Variants in UBE2QL1 observed in about 807,000 individuals in gnomAD.
UBE2QL1 encodes the protein ubiquitin-conjugating enzyme E2Q-like protein 1.
Under a neutral mutation model 12.6 loss-of-function variants are expected in UBE2QL1, and 5 were observed. That is an observed-to-expected ratio of 0.40 (90% CI 0.21 to 0.83). The LOEUF is 0.83. Among genes scored for constraint, UBE2QL1 ranks in the 40% least tolerant of loss-of-function variants. UBE2QL1 has a pLI of 0.37. For synonymous variants in UBE2QL1, 96 were observed against 94.5 expected, an observed-to-expected ratio of 1.02 and a Z score of -0.10; for missense variants, 99 against 222.6, an observed-to-expected ratio of 0.44 and a Z score of 3.53.
intron 1 of UBE2QL1, among the ~76,000 whole-genome samples, chr5:6,483,945 C>T (rs914011100): frequency 6.6e-6 from 1 of 152,168 alleles, no homozygotes; most frequent in East Asian, 1.9e-4. Context: ...TTGGCTTGGG[C>T]GTGAGTCAAC....
intron 1 of UBE2QL1, among the ~76,000 whole-genome samples, chr5:6,477,253 T>C (rs1734252012): frequency 6.6e-6 from 1 of 152,248 alleles, no homozygotes; most frequent in African/African-American, 2.4e-5. Flanking sequence ...CCAGTCACCC[T>C]GCCACCATTG....
intron 1 of UBE2QL1, among the ~76,000 whole-genome samples, chr5:6,489,639 T>C (rs72717952): frequency 0.054 from 8,252 of 152,200 alleles, 326 homozygotes; most frequent in Admixed American, 0.12. Context: ...AATACAAGCA[T>C]ATGAAATGGC....
intron 1 of UBE2QL1, among the ~76,000 whole-genome samples, chr5:6,475,884 G>C (rs1434418252): frequency 6.6e-6 from 1 of 152,202 alleles, no homozygotes; most frequent in Non-Finnish European, 1.5e-5. Context: ...ACCAGCTAGA[G>C]CAATGATGTG....
At chr5:6,461,033 T>A (rs1739647304) in intron 1 of UBE2QL1, among the ~76,000 whole-genome samples, 1 of 152,216 alleles carries the variant, frequency 6.6e-6, no homozygotes, top group Non-Finnish European at 1.5e-5. Context: ...AGAATTTCCC[T>A]GTAGTCAATT....
chr5:6,469,442 C>A (rs1362118245), intron 1 of UBE2QL1, among the ~76,000 whole-genome samples: 1 of 148,036 alleles, frequency 6.8e-6, no homozygotes, highest in Non-Finnish European at 1.5e-5. Flanking sequence ...TTTATATAAT[C>A]TAAGGCTTAT....
At chr5:6,477,847 A>G (rs1310765929) in intron 1 of UBE2QL1, among the ~76,000 whole-genome samples, 5 of 152,206 alleles carry the variant, frequency 3.3e-5, no homozygotes, top group African/African-American at 4.8e-5. Flanking sequence ...TTTCATCCAT[A>G]TCCCATATCG....
At chr5:6,454,852 C>T (rs1052718106) in intron 1 of UBE2QL1, among the ~76,000 whole-genome samples, 6 of 152,046 alleles carry the variant, frequency 3.9e-5, no homozygotes, top group African/African-American at 1.4e-4. Flanking sequence ...AGATTATTGC[C>T]ACCACCGATG....
chr5:6,465,618 G>T (rs538320730), intron 1 of UBE2QL1, among the ~76,000 whole-genome samples: 1 of 152,276 alleles, frequency 6.6e-6, no homozygotes, highest in East Asian at 1.9e-4. Context: ...GGGACTCTTG[G>T]GGGGGCTCTG....
intron 1 of UBE2QL1, among the ~76,000 whole-genome samples, chr5:6,464,402 A>G (rs1312941633): frequency 6.6e-6 from 1 of 152,222 alleles, no homozygotes; most frequent in African/African-American, 2.4e-5. Flanking sequence ...AACGGGAAAT[A>G]GCTCCCAGTG....
chr5:6,461,536 A>ACCCCCCCCCCCCCCCCCCCCCCCC (rs1489545549), intron 1 of UBE2QL1, among the ~76,000 whole-genome samples: 1 of 36,224 alleles, frequency 2.8e-5, no homozygotes, highest in African/African-American at 8.2e-5. Flanking sequence ...GTTTTTCAGC[A>ACCCCCCCCCCCCCCCCCCCCCCCC]CCCACCACCC....
intron 1 of UBE2QL1, among the ~76,000 whole-genome samples, chr5:6,467,370 G>A (rs1739819014): frequency 6.6e-6 from 1 of 152,050 alleles, no homozygotes; most frequent in African/African-American, 2.4e-5. Context: ...TCCAGGTGTG[G>A]GCAGGGCTGG....
intron 1 of UBE2QL1, among the ~76,000 whole-genome samples, chr5:6,457,908 G>A (rs984552821): frequency 2.6e-5 from 4 of 152,242 alleles, no homozygotes; most frequent in Non-Finnish European, 4.4e-5. Context: ...GACGGATGGT[G>A]CATCCATCAA....
chr5:6,470,339 G>A (rs181791489), intron 1 of UBE2QL1, among the ~76,000 whole-genome samples: 14 of 152,312 alleles, frequency 9.2e-5, no homozygotes, highest in Admixed American at 5.9e-4. Context: ...CGTGGATTAC[G>A]TGACTGTGTG....
intron 1 of UBE2QL1, among the ~76,000 whole-genome samples, chr5:6,475,275 C>T (rs1213610264): frequency 6.6e-6 from 1 of 152,202 alleles, no homozygotes; most frequent in East Asian, 1.9e-4. Flanking sequence ...CAATCAAAAG[C>T]AGTCCTTTAG....
Position 6,476,844 on chromosome 5 carries a change from GC to G in UBE2QL1, c.355-14372del, listed in dbSNP as rs928218922. 6.6e-6 allele frequency among the ~76,000 whole-genome samples: 1 copy of G among 152,154 alleles called. No homozygotes were observed. The highest frequency in any genetic ancestry group is 1.5e-5 in the Non-Finnish European group (1 of 68,030). On this transcript the variant is annotated intron_variant, in intron 1 of 1. Transcript: ENST00000399816. This position sits in a 1 kb window ranked among gnomAD's most constrained non-coding sequence, Gnocchi z 4.9. ...CACTAGCTGCCACCAATAATGATTTGCCATTCACAAGGACAGGAGTGGCCCC... is the reference window on the plus strand; with the variant it reads ...CACTAGCTGCCACCAATAATGATTTGCATTCACAAGGACAGGAGTGGCCCC...
intron 1 of UBE2QL1, among the ~76,000 whole-genome samples, chr5:6,460,679 G>T (rs1050466017): frequency 6.6e-6 from 1 of 152,120 alleles, no homozygotes; most frequent in Non-Finnish European, 1.5e-5. Flanking sequence ...TTTAACTTTG[G>T]TATCATAAGA....
At chr5:6,460,541 AC>A (rs369759393) in intron 1 of UBE2QL1, among the ~76,000 whole-genome samples, 3 of 150,656 alleles carry the variant, frequency 2.0e-5, no homozygotes, top group African/African-American at 7.5e-5. Context: ...TCATAAATCT[AC>A]TGCTGTGGAC....
At chr5:6,467,777 C>T (rs1041215344) in intron 1 of UBE2QL1, among the ~76,000 whole-genome samples, 1 of 151,992 alleles carries the variant, frequency 6.6e-6, no homozygotes, top group East Asian at 1.9e-4. Flanking sequence ...TCCACCCGCG[C>T]CCCCCAGACT....
chr5:6,483,222 G>C (rs1190992842), intron 1 of UBE2QL1, among the ~76,000 whole-genome samples: 3 of 152,108 alleles, frequency 2.0e-5, no homozygotes, highest in African/African-American at 7.2e-5. Flanking sequence ...GATCACTCAA[G>C]GTCAGGAGTT....
Sources: allele counts gnomAD v4.1 joint callset (sites outside exome capture counted in the v4.1 genomes callset), GRCh38; gene constraint gnomAD v4.1.1; non-coding constraint Gnocchi (gnomAD v3.1); transcripts MANE v1.5; gene names NCBI Gene and HGNC (gene_info 2026-07-23, HGNC 2026-07-21).